NHSL2: variants seen among roughly 807,000 people sequenced by gnomAD.
NHSL2 encodes the protein NHS-like protein 2.
In NHSL2, 27 loss-of-function variants were observed where a neutral mutation model predicts 53.4. That is an observed-to-expected ratio of 0.51 (90% confidence interval 0.37 to 0.70). The LOEUF (loss-of-function observed/expected upper bound fraction) is 0.70. NHSL2 is among the 30% of genes least tolerant of loss of function. NHSL2 has a pLI of 0.00. For synonymous variants in NHSL2, 408 were observed against 404.1 expected (o/e 1.01, Z -0.12); for missense variants, 892 against 980.1 (o/e 0.91, Z 1.20).
intron 1 of NHSL2, among the ~76,000 whole-genome samples, chrX:71,974,789 C>G (rs2041941201): frequency 9.0e-6 from 1 of 111,711 alleles, no homozygotes; most frequent in Non-Finnish European, 1.9e-5. Context: ...CTTGCTTTCT[C>G]CCTCCCTGAA....
chrX:71,942,353 G>A (rs1475602741), intron 1 of NHSL2, among the ~76,000 whole-genome samples: 2 of 112,021 alleles, frequency 1.8e-5, no homozygotes, highest in Non-Finnish European at 3.8e-5. Context: ...TTCCCCTGAA[G>A]ATAATGTAAC....
intron 1 of NHSL2, among the ~76,000 whole-genome samples, chrX:71,920,965 C>G (rs190895075): frequency 9.2e-6 from 1 of 108,535 alleles, no homozygotes; most frequent in African/African-American, 3.3e-5. Flanking sequence ...CCACCATGCC[C>G]GGCTAATTTT....
In NHSL2 at chrX:71,942,972, C is replaced by G. The variant is rs200228513; in HGVS notation, c.280+31605C>G. The stretch of plus-strand genomic sequence containing the variant: ...GCTCTCTCTCTCTCTCTCTCTCTCT[C>G]TGTGTGTGTGTGTGTGTGTGTGTGT... On this transcript the variant is annotated intron_variant, in intron 1 of 7. Coordinates refer to ENST00000633930, the MANE Select transcript of NHSL2 (RefSeq NM_001013627.3). Among the ~76,000 whole-genome samples the G allele has an allele frequency of 5.7e-3, 425 of 74,023 alleles. 3 individuals carry two copies. Among genetic ancestry groups the G allele is most frequent in the African/African-American group, 0.022 (405 of 18,213 alleles). 64.3% of individuals were successfully genotyped at this position (74,023 alleles called of 115,157 possible).
rs1212286903 is a variant in NHSL2 at position 72,143,313 on chromosome X, G to A, written c.3417G>A (p.Thr1139=). 3.4e-6 allele frequency: 4 copies of A among 1,164,466 alleles called. No homozygotes were observed. The highest frequency in any genetic ancestry group is 3.3e-5 in the East Asian group (1 of 30,688). Residue 1139 remains threonine (T), a synonymous_variant, in exon 8 of 8, where the codon ACG becomes ACA. Coordinates refer to ENST00000633930, the MANE Select transcript of NHSL2 (RefSeq NM_001013627.3). ...EPGEAFVGGR[T]SSHSPIKNTA... ...GTGAGGCCTTTGTGGGTGGCAGAAC[G>A]AGTTCCCACTCACCAATAAAGAACA... is the stretch of plus-strand genomic sequence containing the variant.
chrX:71,962,029 G>A lies in NHSL2; in HGVS notation c.280+50662G>A, dbSNP rs932946306. Reference sequence around the variant, plus strand: ...ATTTGCTGAGTGTTTTATTATGAAAGGTGTGAATTTTGTTTTTTGTTTGTT... The same window carrying A: ...ATTTGCTGAGTGTTTTATTATGAAAAGTGTGAATTTTGTTTTTTGTTTGTT... On this transcript the variant is annotated intron_variant, in intron 1 of 7. Transcript: ENST00000633930. Among the ~76,000 whole-genome samples, 5 of 111,918 alleles carry A rather than the reference G, an allele frequency of 4.5e-5. No homozygotes were observed. The East Asian group carries it at 1.4e-3, about 31-fold the overall frequency.
chrX:72,044,605 A>G (rs966844578), intron 1 of NHSL2: 2 of 1,117,133 alleles, frequency 1.8e-6, no homozygotes. Context: ...CGTGCAGCCT[A>G]TTCGCTGCAC....
chrX:71,936,053 AAAGCTTCTGTGAG>A (rs2041736680), intron 1 of NHSL2, among the ~76,000 whole-genome samples: 2 of 112,191 alleles, frequency 1.8e-5, no homozygotes, highest in African/African-American at 6.5e-5. Context: ...AAAGTTACAT[AAAGCTTCTGTGAG>A]ATAGGCATCA....
Position 72,093,394 on chromosome X carries a change from C to T in NHSL2, c.281-38685C>T, listed in dbSNP as rs749316270. On this transcript the variant is annotated intron_variant, in intron 1 of 7. Transcript: ENST00000633930. ...TTTCTCTGCAGATGTAGAACCTTGG[C>T]CAGGTCCCTACATGGCAGTAGTCAG... Among the ~76,000 whole-genome samples, 14 of 112,480 alleles carry T rather than the reference C, an allele frequency of 1.2e-4. No individual in the cohort carries two copies. The East Asian group carries it at 3.6e-3, about 29-fold the overall frequency.
intron 1 of NHSL2, among the ~76,000 whole-genome samples, chrX:71,950,978 C>T (rs1349039674): frequency 2.1e-5 from 2 of 97,554 alleles, no homozygotes; most frequent in East Asian, 6.9e-4. Flanking sequence ...ATTCCAATGC[C>T]ACATATTTGG....
At chrX:72,039,352 TCCATGTAATGGCTGTA>T (rs2042261021) in intron 1 of NHSL2, among the ~76,000 whole-genome samples, 1 of 111,577 alleles carries the variant, frequency 9.0e-6, no homozygotes, top group Admixed American at 9.6e-5. Context: ...TGTACACTAT[TCCATGTAATGGCTGTA>T]CCACAATTTA....
Position 72,151,089 on chromosome X carries a change from A to G in NHSL2, c.*7515A>G, listed in dbSNP as rs1177259001. The stretch of plus-strand genomic sequence containing the variant: ...GAGGGCAATTGTACAATCTCGGCTC[A>G]TTACAACCTCCACCTCCCGGGTTCA... On this transcript the variant is annotated 3_prime_UTR_variant, in exon 8 of 8. Coordinates refer to ENST00000633930, the MANE Select transcript of NHSL2 (RefSeq NM_001013627.3). The G allele has an allele frequency of 2.7e-5, 3 of 110,757 alleles. No individual in the cohort carries two copies. The highest frequency in any genetic ancestry group is 5.7e-5 in the Non-Finnish European group (3 of 52,960). The allele number at this position is 110,757 out of a possible 1,213,427, so 9.1% of individuals were successfully genotyped here. A position where few individuals can be genotyped will look rare whatever the true frequency, so the allele number is the denominator to read the frequency against.
At chrX:72,142,122 C>T in intron 6 of NHSL2, 110 bp from the exon 7 acceptor site, 1 of 543,598 alleles carries the variant, frequency 1.8e-6, no homozygotes, top group South Asian at 4.6e-5. Flanking sequence ...AAATCTCCAC[C>T]CTGCTGCCCT....
intron 1 of NHSL2, among the ~76,000 whole-genome samples, chrX:72,010,795 A>G (rs1169990979): frequency 8.9e-6 from 1 of 112,094 alleles, no homozygotes; most frequent in African/African-American, 3.2e-5. Flanking sequence ...GTTTTCCTCA[A>G]TAATCACTTC....
intron 1 of NHSL2, among the ~76,000 whole-genome samples, chrX:72,031,736 GAA>G (rs767564712): frequency 9.4e-5 from 5 of 53,131 alleles, no homozygotes; most frequent in Admixed American, 6.8e-4. Flanking sequence ...ACCTCGCTTG[GAA>G]AAAAAAAAAA....
In NHSL2 at chrX:71,991,848, C is replaced by CTCTCTCTCTCTG. The variant is rs776360819; in HGVS notation, c.280+80484_280+80485insCTCTCTCTGTCT. On this transcript the variant is annotated intron_variant, in intron 1 of 7. Coordinates refer to ENST00000633930, the MANE Select transcript of NHSL2 (RefSeq NM_001013627.3). Reference sequence around the variant, plus strand: ...TCTCTCTCTCTCTCTCTCTCTCTCTCTCTGTCTTTGGCTGTCAGTGGCCTA... The same window carrying CTCTCTCTCTCTG: ...TCTCTCTCTCTCTCTCTCTCTCTCTCTCTCTCTCTCTGTCTGTCTTTGGCTGTCAGTGGCCTA... Among the ~76,000 whole-genome samples the CTCTCTCTCTCTG allele has an allele frequency of 4.8e-3, 526 of 108,835 alleles. 5 individuals are homozygous for CTCTCTCTCTCTG. Among genetic ancestry groups the CTCTCTCTCTCTG allele is most frequent in the African/African-American group, 0.017 (498 of 29,986 alleles). The allele number at this position is 108,835 out of a possible 115,157, so 94.5% of individuals were successfully genotyped here.
intron 1 of NHSL2, among the ~76,000 whole-genome samples, chrX:72,101,219 C>T (rs1258713715): frequency 9.1e-6 from 1 of 110,284 alleles, no homozygotes; most frequent in East Asian, 2.9e-4. Context: ...ACAGCCATGG[C>T]GGCACAGCTT....
chrX:72,007,531 C>G (rs2042099442), intron 1 of NHSL2, among the ~76,000 whole-genome samples: 1 of 113,052 alleles, frequency 8.8e-6, no homozygotes, highest in East Asian at 2.8e-4. Context: ...CCCCACATCA[C>G]TGGCCTGGCT....
At chrX:71,957,414 C>T (rs932845801) in intron 1 of NHSL2, among the ~76,000 whole-genome samples, 5 of 112,341 alleles carry the variant, frequency 4.5e-5, no homozygotes, top group South Asian at 7.4e-4. Context: ...CTACAGGTGC[C>T]CACCACCGTG....
intron 1 of NHSL2, among the ~76,000 whole-genome samples, chrX:71,978,536 C>T (rs1312232288): frequency 8.9e-6 from 1 of 112,197 alleles, no homozygotes; most frequent in African/African-American, 3.2e-5. Flanking sequence ...GCCAGACACA[C>T]TTTATTCAGT....
Sources: allele counts gnomAD v4.1 joint callset (sites outside exome capture counted in the v4.1 genomes callset), GRCh38; gene constraint gnomAD v4.1.1; transcripts MANE v1.5; gene names NCBI Gene and HGNC (gene_info 2026-07-23, HGNC 2026-07-21).